Variants in AGMO observed in about 807,000 individuals in gnomAD.
AGMO encodes alkylglycerol monooxygenase.
A neutral mutation model predicts 60.2 loss-of-function variants in AGMO; 75 were observed. That is an observed-to-expected ratio of 1.25 (90% CI 1.03 to 1.51). The LOEUF (loss-of-function observed/expected upper bound fraction) is 1.51. Ranked by LOEUF, AGMO falls within the 40% of genes most tolerant of loss-of-function variation. The probability of loss-of-function intolerance (pLI) is 0.00; values close to 1 mark genes in which losing one functional copy is unlikely to be tolerated. For synonymous variants in AGMO, 261 were observed against 177.1 expected (o/e 1.47, Z -3.76); for missense variants, 763 against 525.5 (o/e 1.45, Z -4.42).
At chr7:15,490,704 A>G (rs1312330088) in intron 3 of AGMO, among the ~76,000 whole-genome samples, 1 of 152,200 alleles carries the variant, frequency 6.6e-6, no homozygotes, top group Non-Finnish European at 1.5e-5. Context: ...AAATGCAGAG[A>G]GCATAAGGAA....
In AGMO at chr7:15,366,231, C is replaced by A. The variant is rs1331381049; in HGVS notation, c.1075-9G>T. 20 of 1,596,144 alleles carry A rather than the reference C, an allele frequency of 1.3e-5. 1 individual carries two copies. Among genetic ancestry groups the A allele is most frequent in the Non-Finnish European group, 1.5e-5 (17 of 1,169,718 alleles). On this transcript the variant is annotated splice_polypyrimidine_tract_variant and intron_variant, in intron 10 of 12. Transcript: ENST00000342526. ...GTAACTTGCGACAGTGCCTGTCAAA[C>A]AAACACGGAGATCAATGGAGCCGTT...
intron 9 of AGMO, among the ~76,000 whole-genome samples, chr7:15,387,063 G>A (rs973561698): frequency 3.3e-5 from 5 of 152,184 alleles, no homozygotes; most frequent in South Asian, 2.1e-4. Context: ...GGCTCCCTCC[G>A]TCTCTAGTGT....
intron 12 of AGMO, among the ~76,000 whole-genome samples, chr7:15,245,713 AACC>A (rs1369873399): frequency 6.6e-6 from 1 of 152,232 alleles, no homozygotes; most frequent in Non-Finnish European, 1.5e-5. Context: ...ATGATAATTT[AACC>A]ACTTTTATTT....
the AGMO span, among the ~76,000 whole-genome samples, chr7:15,193,400 C>T: frequency 4.7e-4 from 71 of 152,212 alleles, no homozygotes; most frequent in Middle Eastern, 6.8e-3. Flanking sequence ...AATTGTTTTA[C>T]CAAATTTACA....
chr7:15,120,912 G>C, the AGMO span, among the ~76,000 whole-genome samples: 2 of 151,886 alleles, frequency 1.3e-5, no homozygotes, highest in African/African-American at 4.8e-5. Context: ...CTATCAACCC[G>C]TCTTCCAGGT....
chr7:15,277,105 C>G (rs1462180457), intron 12 of AGMO, among the ~76,000 whole-genome samples: 2 of 151,786 alleles, frequency 1.3e-5, no homozygotes, highest in African/African-American at 2.4e-5. Flanking sequence ...ATCAGGAGTT[C>G]TAGACCAGCA....
chr7:15,403,408 A>T (rs1006257392), intron 5 of AGMO, among the ~76,000 whole-genome samples: 4 of 151,962 alleles, frequency 2.6e-5, no homozygotes, highest in Admixed American at 2.6e-4. Flanking sequence ...TTTATTGAGT[A>T]CAAGGTACTG....
rs1227935335 is a variant in AGMO at position 15,289,278 on chromosome 7, G to A, written c.1263+76236C>T. On this transcript the variant is annotated intron_variant, in intron 12 of 12. Coordinates refer to ENST00000342526, the MANE Select transcript of AGMO (RefSeq NM_001004320.2). ...TACACGAAATAAATTTATTTAGAAT[G>A]TTAATTGTTTCTTTATAGAATTAAA... is the stretch of plus-strand genomic sequence containing the variant. 7.7e-5 allele frequency among the ~76,000 whole-genome samples: 4 copies of A among 51,926 alleles called. No individual in the cohort carries two copies. In the Admixed American group the frequency reaches 8.5e-4, roughly 11 times the overall value. 34.1% of individuals were successfully genotyped at this position (51,926 alleles called of 152,430 possible). A position where few individuals can be genotyped will look rare whatever the true frequency, so the allele number is the denominator to read the frequency against.
intron 12 of AGMO, among the ~76,000 whole-genome samples, chr7:15,267,557 C>T (rs1422665508): frequency 6.6e-6 from 1 of 151,950 alleles, no homozygotes; most frequent in Non-Finnish European, 1.5e-5. Flanking sequence ...AATTGGATTA[C>T]ACTGGTCTGA....
rs1491261219 is a variant in AGMO, at chr7:15,354,327, T to TCTATATACACACGTGTATATAC, written c.1263+11186_1263+11187insGTATATACACGTGTGTATATAG. Among the ~76,000 whole-genome samples the TCTATATACACACGTGTATATAC allele has an allele frequency of 5.0e-4, 16 of 32,236 alleles. 2 individuals are homozygous for TCTATATACACACGTGTATATAC. The highest frequency in any genetic ancestry group is 2.8e-3 in the African/African-American group (13 of 4,640). 21.1% of individuals were successfully genotyped at this position (32,236 alleles called of 152,430 possible). ...ACGTGTATACACGCGTGTATATACGTACGCGTGTATATACACGCGTGTATA... is the reference window on the plus strand; with the variant it reads ...ACGTGTATACACGCGTGTATATACGTCTATATACACACGTGTATATACACGCGTGTATATACACGCGTGTATA... On this transcript the variant is annotated intron_variant, in intron 12 of 12. Transcript: ENST00000342526.
chr7:15,521,820 T>C (rs375082390), intron 3 of AGMO, among the ~76,000 whole-genome samples: 3 of 152,276 alleles, frequency 2.0e-5, no homozygotes, highest in Admixed American at 6.5e-5. Flanking sequence ...TCACCCCTAT[T>C]CAACATAGAA....
At chr7:15,534,345 A>G (rs1784434950) in intron 3 of AGMO, among the ~76,000 whole-genome samples, 1 of 152,194 alleles carries the variant, frequency 6.6e-6, no homozygotes, top group Admixed American at 6.5e-5. Flanking sequence ...ATAGCAAATT[A>G]AAAACTTCAA....
At chr7:15,223,415 A>G (rs528696399) in intron 12 of AGMO, among the ~76,000 whole-genome samples, 54 of 152,108 alleles carry the variant, frequency 3.6e-4, no homozygotes, top group African/African-American at 1.2e-3. Context: ...AATTTTCAGA[A>G]CAAAGTGATT....
At chr7:15,300,451 C>T (rs991947477) in intron 12 of AGMO, among the ~76,000 whole-genome samples, 1 of 152,032 alleles carries the variant, frequency 6.6e-6, no homozygotes, top group Non-Finnish European at 1.5e-5. Flanking sequence ...ATCTTCAAAG[C>T]CTTGAACAAG....
At chr7:15,305,624 A>G (rs1332139024) in intron 12 of AGMO, among the ~76,000 whole-genome samples, 2 of 152,014 alleles carry the variant, frequency 1.3e-5, no homozygotes, top group Non-Finnish European at 2.9e-5. Context: ...TCCTATATAT[A>G]TATTTATATG....
chr7:15,351,377 G>A (rs1309729527), intron 12 of AGMO, among the ~76,000 whole-genome samples: 2 of 152,142 alleles, frequency 1.3e-5, no homozygotes, highest in Non-Finnish European at 2.9e-5. Context: ...TTTGATTACA[G>A]AAGAGGTAGT....
intron 3 of AGMO, among the ~76,000 whole-genome samples, chr7:15,497,772 A>T (rs140979312): frequency 1.1e-3 from 160 of 152,222 alleles, no homozygotes; most frequent in African/African-American, 3.7e-3. Context: ...TCGAAAGCCT[A>T]CAAAAATCAA....
At chr7:15,459,110 G>T (rs1057113294) in intron 3 of AGMO, among the ~76,000 whole-genome samples, 5 of 151,742 alleles carry the variant, frequency 3.3e-5, no homozygotes, top group Non-Finnish European at 7.4e-5. Context: ...TTAAGAAGTG[G>T]GTTTTTTTTC....
intron 3 of AGMO, among the ~76,000 whole-genome samples, chr7:15,462,296 T>A (rs981625025): frequency 6.6e-6 from 1 of 152,182 alleles, no homozygotes; most frequent in Non-Finnish European, 1.5e-5. Context: ...AATTATCACC[T>A]TCTAATTTAC....
Sources: gnomAD v4.1 joint callset for allele counts (sites outside exome capture counted in the v4.1 genomes callset) on GRCh38, gnomAD v4.1.1 for gene constraint, MANE v1.5 for transcripts, NCBI Gene and HGNC (gene_info 2026-07-23, HGNC 2026-07-21) for gene names.